The following SLC25A27 variants were observed in gnomAD, a reference collection of about 807,000 sequenced individuals.
SLC25A27 encodes the protein mitochondrial uncoupling protein 4.
Under a neutral mutation model 49.1 loss-of-function variants are expected in SLC25A27, and 35 were observed. The observed-to-expected ratio is 0.71, with a 90% CI of 0.54 to 0.95. The LOEUF (loss-of-function observed/expected upper bound fraction) is 0.95, where lower values mean the gene tolerates loss of function less well. Among genes scored for constraint, SLC25A27 ranks in the 40% least tolerant of loss-of-function variants. The pLI is 0.00. For missense variants in SLC25A27, 339 were observed against 397.1 expected (o/e 0.85, Z 1.24); for synonymous variants, 144 against 136.9 (o/e 1.05, Z -0.36).
At chr6:46,655,100 G>A (rs1762930389) in intron 1 of SLC25A27, among the ~76,000 whole-genome samples, 1 of 152,144 alleles carries the variant, frequency 6.6e-6, no homozygotes, top group African/African-American at 2.4e-5. Context: ...AATACAGTTA[G>A]TACTTGTAAG....
intron 5 of SLC25A27, among the ~76,000 whole-genome samples, chr6:46,668,207 G>GCA (rs1460553813): frequency 6.6e-6 from 1 of 152,082 alleles, no homozygotes; most frequent in Non-Finnish European, 1.5e-5. Flanking sequence ...TTAGCCAGAT[G>GCA]CACACCTGTA....
Position 46,676,654 on chromosome 6 carries a change from G to A in SLC25A27, c.*200G>A. ...CCTCTTTTTGTCCAAAAGTGATCTG[G>A]TCGGATCTCACAAGGCCATCCAATG... On this transcript the variant is annotated 3_prime_UTR_variant, in exon 9 of 9. Coordinates refer to ENST00000371347, the MANE Select transcript of SLC25A27 (RefSeq NM_004277.5). The A allele has an allele frequency of 1.3e-6, 2 of 1,550,788 alleles. No homozygotes were observed. Among genetic ancestry groups the A allele is most frequent in the Non-Finnish European group, 1.7e-6 (2 of 1,146,988 alleles).
intron 5 of SLC25A27, among the ~76,000 whole-genome samples, chr6:46,667,191 C>T (rs1763354014): frequency 1.3e-5 from 2 of 152,180 alleles, no homozygotes. Flanking sequence ...ATTGTTCACA[C>T]TCAAAACCTT....
chr6:46,663,088 A>G (rs1039369412), intron 4 of SLC25A27, among the ~76,000 whole-genome samples: 2 of 152,082 alleles, frequency 1.3e-5, no homozygotes, highest in African/African-American at 4.8e-5. Flanking sequence ...AAATCCTCCC[A>G]TTGCATTACA....
In SLC25A27 at chr6:46,676,943, C is replaced by T. The variant is rs1264420682; in HGVS notation, c.*489C>T. 2.2e-5 allele frequency: 9 copies of T among 412,240 alleles called. No individual in the cohort carries two copies. Among genetic ancestry groups the T allele is most frequent in the South Asian group, 6.6e-5 (1 of 15,068 alleles). 25.5% of individuals were successfully genotyped at this position (412,240 alleles called of 1,614,324 possible). The stretch of plus-strand genomic sequence containing the variant: ...ATTCACTTTTCTGTCATTGTTAAAG[C>T]GTACATACTGTAAATTAAAGGGAGG... On this transcript the variant is annotated 3_prime_UTR_variant, in exon 9 of 9. Coordinates refer to ENST00000371347, the MANE Select transcript of SLC25A27 (RefSeq NM_004277.5).
At chr6:46,676,302 A>G (rs1763783397) in intron 8 of SLC25A27, 81 bp from the exon 9 acceptor site, 1 of 1,314,784 alleles carries the variant, frequency 7.6e-7, no homozygotes, top group Non-Finnish European at 1.1e-6. Flanking sequence ...TGACTTTGTC[A>G]TTCAAATATA....
chr6:46,656,940 A>G (rs1644163140), intron 2 of SLC25A27, among the ~76,000 whole-genome samples: 1 of 152,178 alleles, frequency 6.6e-6, no homozygotes, highest in Non-Finnish European at 1.5e-5. Flanking sequence ...CCGAGGCGGG[A>G]TAATTGCTTG....
At chr6:46,655,535 G>GGTTTTTTTT (rs1562033662) in intron 1 of SLC25A27, among the ~76,000 whole-genome samples, 10 of 10,710 alleles carry the variant, frequency 9.3e-4, no homozygotes, top group Non-Finnish European at 1.6e-3. Flanking sequence ...GTTAATGTTT[G>GGTTTTTTTT]TTTTTTTTTT....
At chr6:46,656,832 G>A (rs1762998597) in intron 2 of SLC25A27, among the ~76,000 whole-genome samples, 2 of 152,218 alleles carry the variant, frequency 1.3e-5, no homozygotes, top group Admixed American at 6.5e-5. Flanking sequence ...GAACTGTCAT[G>A]AAATCTGTAA....
At position 46,670,159 on chromosome 6, in the gene SLC25A27, T is replaced by C. The variant is rs1163937588; in HGVS notation, c.729T>C (p.Ser243=). ...LSSLCSGLVA[S]ILGTPADVIK... ...GTTTATGTTCTGGACTGGTAGCTTC[T>C]ATTCTGGGAACACCAGCCGATGTCA... The change falls in exon 7 of 9, where the codon TCT becomes TCC. Residue 243 remains serine, a synonymous_variant. Coordinates refer to ENST00000371347, the MANE Select transcript of SLC25A27 (RefSeq NM_004277.5). 1 of 1,612,672 alleles carries C rather than the reference T, an allele frequency of 6.2e-7. No homozygotes were observed. Among genetic ancestry groups the C allele is most frequent in the Non-Finnish European group, 8.5e-7 (1 of 1,179,190 alleles).
In SLC25A27 at chr6:46,655,747, C is replaced by A; in HGVS notation, c.107-96C>A. 3.9e-6 allele frequency: 4 copies of A among 1,026,800 alleles called. No homozygotes were observed. In the South Asian group the frequency reaches 4.4e-5, roughly 11 times the overall value. 63.6% of individuals were successfully genotyped at this position (1,026,800 alleles called of 1,614,324 possible). A position where few individuals can be genotyped will look rare whatever the true frequency, so the allele number is the denominator to read the frequency against. ...TCTGATATATTCTAAAATTTGAGAACAACCAGTCTTGGGAAAATATTACTC... is the reference window on the plus strand; with the variant it reads ...TCTGATATATTCTAAAATTTGAGAAAAACCAGTCTTGGGAAAATATTACTC... On this transcript the variant is annotated intron_variant, in intron 1 of 8. Coordinates refer to ENST00000371347, the MANE Select transcript of SLC25A27 (RefSeq NM_004277.5).
intron 4 of SLC25A27, among the ~76,000 whole-genome samples, chr6:46,662,718 T>A (rs956950715): frequency 6.6e-6 from 1 of 152,214 alleles, no homozygotes; most frequent in Non-Finnish European, 1.5e-5. Context: ...GTAATGTTCT[T>A]TGCTGCTTTT....
In SLC25A27 at chr6:46,670,285, T is replaced by C; in HGVS notation, c.797+58T>C. 4 of 1,061,082 alleles carry C rather than the reference T, an allele frequency of 3.8e-6. No individual in the cohort carries two copies. In the South Asian group the frequency reaches 5.8e-5, roughly 15 times the overall value. 65.7% of individuals were successfully genotyped at this position (1,061,082 alleles called of 1,614,324 possible). ...GAATATCTGTAATACCTTTGTGTTT[T>C]AAAGATGCATCTCTGCATTTTTTAT... On this transcript the variant is annotated intron_variant, in intron 7 of 8. Transcript: ENST00000371347.
chr6:46,677,328 G>A lies in SLC25A27; in HGVS notation c.*874G>A, dbSNP rs1763831714. ...TCAGCTGTATAGATCCTTTTATAAA[G>A]CACCTTTTGTTAAACATCAGCCTTT... On this transcript the variant is annotated 3_prime_UTR_variant, in exon 9 of 9. Coordinates refer to ENST00000371347, the MANE Select transcript of SLC25A27 (RefSeq NM_004277.5). 6.6e-6 allele frequency: 1 copy of A among 152,134 alleles called. No homozygotes were observed. Among genetic ancestry groups the A allele is most frequent in the Non-Finnish European group, 1.5e-5 (1 of 68,030 alleles). 9.4% of individuals were successfully genotyped at this position (152,134 alleles called of 1,614,324 possible).
intron 2 of SLC25A27, 115 bp from the exon 3 acceptor site, chr6:46,658,847 G>A (rs1315579919): frequency 1.3e-6 from 1 of 795,844 alleles, no homozygotes; most frequent in Non-Finnish European, 2.2e-6. Flanking sequence ...ATGAGACAAA[G>A]ACACAGCTAG....
chr6:46,661,097 G>A (rs1280818954), intron 3 of SLC25A27, among the ~76,000 whole-genome samples: 1 of 152,142 alleles, frequency 6.6e-6, no homozygotes, highest in Non-Finnish European at 1.5e-5. Context: ...CAGTAACAGA[G>A]TCGATGAATA....
In SLC25A27 at chr6:46,662,499, G is replaced by T. The variant is rs1438999403; in HGVS notation, c.506+1G>T. 6.2e-7 allele frequency: 1 copy of T among 1,613,596 alleles called. No homozygotes were observed. Among genetic ancestry groups the T allele is most frequent in the Admixed American group, 1.7e-5 (1 of 59,934 alleles). On this transcript the variant is annotated splice_donor_variant, in intron 4 of 8. Transcript: ENST00000371347. LOFTEE classifies it high-confidence loss of function. ...GGAAACTGGAAGGAAAACCATTGCG[G>T]TAAGTTCTCCAATTAACCAATACCT...
chr6:46,675,265 AGATT>A (rs1310786231), intron 8 of SLC25A27, among the ~76,000 whole-genome samples: 1 of 152,196 alleles, frequency 6.6e-6, no homozygotes, highest in Non-Finnish European at 1.5e-5. Context: ...AACATGAAGA[AGATT>A]GATTACCACA....
Position 46,655,828 on chromosome 6 carries a change from T to C in SLC25A27, c.107-15T>C. The C allele has an allele frequency of 6.2e-7, 1 of 1,609,686 alleles. No homozygotes were observed. Among genetic ancestry groups the C allele is most frequent in the Non-Finnish European group, 8.5e-7 (1 of 1,178,352 alleles). ...GAATGTTGTGGGTTTTTCCCTGCAT[T>C]TGTGTTTTTGTTAGCAACCTTTCCC... On this transcript the variant is annotated splice_polypyrimidine_tract_variant and intron_variant, in intron 1 of 8. Transcript: ENST00000371347.
Sources: allele counts gnomAD v4.1 joint callset (sites outside exome capture counted in the v4.1 genomes callset), GRCh38; gene constraint gnomAD v4.1.1; transcripts MANE v1.5; gene names NCBI Gene and HGNC (gene_info 2026-07-23, HGNC 2026-07-21).